Variants in DMD observed in about 807,000 individuals in gnomAD.
The protein encoded by DMD is dystrophin.
In DMD, 63 loss-of-function variants were observed where a neutral mutation model predicts 330.1. The observed-to-expected ratio is 0.19, with a 90% confidence interval of 0.16 to 0.24. The LOEUF (loss-of-function observed/expected upper bound fraction) is 0.24, where lower values mean the gene tolerates loss of function less well. Ranked by LOEUF, DMD falls within the 10% of genes least tolerant of loss-of-function variation. The pLI, the probability that DMD is intolerant of heterozygous loss-of-function variation, is 1.00. For missense variants in DMD, 3,344 were observed against 2,684.1 expected (o/e 1.25, Z -5.43); for synonymous variants, 1,223 against 959.8 (o/e 1.27, Z -5.07).
At chrX:32,992,912 A>AC (rs1467922560) in intron 2 of DMD, among the ~76,000 whole-genome samples, 1 of 109,569 alleles carries the variant, frequency 9.1e-6, no homozygotes, top group East Asian at 2.9e-4. Flanking sequence ...GTCTCAAAAA[A>AC]AAAAAAAAAA....
At chrX:32,002,381 T>C (rs1271942295) in intron 44 of DMD, among the ~76,000 whole-genome samples, 1 of 111,918 alleles carries the variant, frequency 8.9e-6, no homozygotes, top group Admixed American at 9.5e-5. Flanking sequence ...GATTATCTTC[T>C]CAAGAGAATG....
chrX:31,562,354 G>GT (rs1378023879), intron 55 of DMD, among the ~76,000 whole-genome samples: 1 of 112,079 alleles, frequency 8.9e-6, no homozygotes, highest in Non-Finnish European at 1.9e-5. Context: ...TGATCAAAAG[G>GT]TAAGTGCATT....
chrX:32,405,381 A>T lies in DMD; in HGVS notation c.4233+6371T>A, dbSNP rs186078237. Among the ~76,000 whole-genome samples the T allele has an allele frequency of 3.9e-3, 431 of 111,645 alleles. 3 individuals carry two copies. Among genetic ancestry groups the T allele is most frequent in the African/African-American group, 0.013 (408 of 30,784 alleles). On this transcript the variant is annotated intron_variant, in intron 30 of 78. Transcript: ENST00000357033. ...TGCAGTCACACAATTTCGTGATTTA[A>T]TTTTTTATTTATTTCCAAGGAACAC...
intron 53 of DMD, among the ~76,000 whole-genome samples, chrX:31,672,897 C>T (rs926400942): frequency 4.4e-5 from 5 of 112,377 alleles, no homozygotes; most frequent in African/African-American, 6.5e-5. Context: ...TTTATCTCAA[C>T]TAGCATCACA....
At chrX:31,706,703 T>A (rs1465272015) in intron 52 of DMD, among the ~76,000 whole-genome samples, 2 of 112,312 alleles carry the variant, frequency 1.8e-5, no homozygotes, top group African/African-American at 6.5e-5. Flanking sequence ...AGAACTAATG[T>A]TGGCTCCAAT....
At chrX:33,323,358 T>C (rs2054043027) in intron 1 of DMD, among the ~76,000 whole-genome samples, 2 of 111,947 alleles carry the variant, frequency 1.8e-5, no homozygotes, top group South Asian at 7.4e-4. Flanking sequence ...GCCCATTAGC[T>C]GCTTTCTAGC....
At chrX:31,411,696 C>T (rs1334600050) in intron 60 of DMD, among the ~76,000 whole-genome samples, 2 of 111,002 alleles carry the variant, frequency 1.8e-5, no homozygotes, top group Non-Finnish European at 3.8e-5. Context: ...TGCAGTGGCA[C>T]GATCTCGGCT....
intron 57 of DMD, among the ~76,000 whole-genome samples, chrX:31,491,700 A>C (rs999956178): frequency 9.0e-6 from 1 of 111,639 alleles, no homozygotes; most frequent in Non-Finnish European, 1.9e-5. Context: ...GAGGAGTGAG[A>C]CTATGGTCCC....
intron 30 of DMD, among the ~76,000 whole-genome samples, chrX:32,401,363 C>T (rs1437250926): frequency 1.8e-5 from 2 of 111,732 alleles, no homozygotes; most frequent in Admixed American, 1.9e-4. Context: ...TACCTATACA[C>T]AATACAGTAC....
chrX:31,147,531 A>G lies in DMD; in HGVS notation c.10554-13T>C, dbSNP rs755556497. The G allele has an allele frequency of 2.8e-6, 3 of 1,088,008 alleles. No individual in the cohort carries two copies. In the Admixed American group the frequency reaches 8.9e-5, roughly 32 times the overall value. The allele number at this position is 1,088,008 out of a possible 1,213,427, so 89.7% of individuals were successfully genotyped here. On this transcript the variant is annotated splice_polypyrimidine_tract_variant and intron_variant, in intron 74 of 78. Coordinates refer to ENST00000357033, the MANE Select transcript of DMD (RefSeq NM_004006.3). ...TGCTTGCAGATTCCTATTGGCATCA[A>G]AAAAGTAAAAAAGAAAAAAAAAGAA...
intron 44 of DMD, among the ~76,000 whole-genome samples, chrX:32,120,967 C>T (rs146132286): frequency 8.9e-6 from 1 of 112,293 alleles, no homozygotes; most frequent in Non-Finnish European, 1.9e-5. Context: ...CAATTGCAAC[C>T]TGATTGAGGC....
chrX:32,336,632 A>C (rs762339493), intron 41 of DMD, among the ~76,000 whole-genome samples: 2 of 111,885 alleles, frequency 1.8e-5, no homozygotes, highest in South Asian at 3.7e-4. Context: ...ATTTGCATAC[A>C]TAAGTATAGG....
intron 51 of DMD, among the ~76,000 whole-genome samples, chrX:31,750,558 T>C (rs78238280): frequency 5.4e-5 from 6 of 111,208 alleles, no homozygotes; most frequent in African/African-American, 2.0e-4. Flanking sequence ...CCTTGTACTA[T>C]AGAAGCATTC....
intron 7 of DMD, among the ~76,000 whole-genome samples, chrX:32,789,721 T>C (rs2075677866): frequency 1.8e-5 from 2 of 110,710 alleles, no homozygotes; most frequent in South Asian, 7.3e-4. Flanking sequence ...CCTGGAATTG[T>C]TGTGTACAAG....
intron 2 of DMD, among the ~76,000 whole-genome samples, chrX:32,948,366 A>T (rs1305054687): frequency 9.0e-6 from 1 of 111,730 alleles, no homozygotes; most frequent in Non-Finnish European, 1.9e-5. Flanking sequence ...CAGAGAATGG[A>T]TTAGACAGTC....
intron 37 of DMD, among the ~76,000 whole-genome samples, chrX:32,352,117 C>G (rs185616611): frequency 9.0e-6 from 1 of 110,788 alleles, no homozygotes; most frequent in African/African-American, 3.2e-5. Flanking sequence ...ATAAGAACAA[C>G]TGATGAGGAC....
intron 63 of DMD, among the ~76,000 whole-genome samples, chrX:31,250,068 T>G (rs1187019674): frequency 9.1e-6 from 1 of 110,000 alleles, no homozygotes; most frequent in African/African-American, 3.3e-5. Context: ...AATGAACAAT[T>G]TTGTTGCTGC....
At chrX:33,166,044 A>G (rs2049035414) in intron 1 of DMD, among the ~76,000 whole-genome samples, 1 of 111,469 alleles carries the variant, frequency 9.0e-6, no homozygotes. Flanking sequence ...CAGCTTTCTG[A>G]ACTGATTGGA....
intron 63 of DMD, among the ~76,000 whole-genome samples, chrX:31,226,955 C>A (rs1419959742): frequency 8.9e-6 from 1 of 111,886 alleles, no homozygotes; most frequent in Admixed American, 9.5e-5. Flanking sequence ...TCTCTCATTC[C>A]TTTACTTATG....
Sources: gnomAD v4.1 joint callset for allele counts (sites outside exome capture counted in the v4.1 genomes callset) on GRCh38, gnomAD v4.1.1 for gene constraint, MANE v1.5 for transcripts, NCBI Gene and HGNC (gene_info 2026-07-23, HGNC 2026-07-21) for gene names.